The following CYFIP2 variants were observed in gnomAD, a reference collection of about 807,000 sequenced individuals.
CYFIP2 encodes cytoplasmic FMR1 interacting protein 2.
Under a neutral mutation model 158.7 loss-of-function variants are expected in CYFIP2, and 29 were observed. The observed-to-expected ratio is 0.18, with a 90% CI of 0.14 to 0.25. The LOEUF (loss-of-function observed/expected upper bound fraction) is 0.25. CYFIP2 is among the 10% of genes least tolerant of loss of function. CYFIP2 has a pLI of 1.00. For missense variants in CYFIP2, 852 were observed against 1,639.5 expected (o/e 0.52, Z 8.29); for synonymous variants, 585 against 617.6 (o/e 0.95, Z 0.78).
At chr5:157,364,439 C>G (rs1464394324) in intron 26 of CYFIP2, 3 of 152,210 alleles carry the variant, frequency 2.0e-5, no homozygotes, top group Admixed American at 2.0e-4. Flanking sequence ...GAGCTGAGAC[C>G]TGAGACAGAC....
intron 15 of CYFIP2, among the ~76,000 whole-genome samples, chr5:157,322,758 G>A (rs560342912): frequency 3.3e-5 from 5 of 152,392 alleles, no homozygotes; most frequent in South Asian, 2.1e-4. Flanking sequence ...CAGAGGCAGC[G>A]AAGACGAACG....
intron 7 of CYFIP2, 56 bp from the exon 8 acceptor site, chr5:157,304,182 A>AG: frequency 6.4e-7 from 1 of 1,567,136 alleles, no homozygotes; most frequent in Non-Finnish European, 8.7e-7. Context: ...GCAGGGGTGC[A>AG]GGTGAGGGCA....
rs539485316 is a variant in CYFIP2, at chr5:157,304,449, A to C, written c.795+83A>C. 9.0e-5 allele frequency: 133 copies of C among 1,481,842 alleles called. No homozygotes were observed. In the African/African-American group the frequency reaches 1.8e-3, roughly 20 times the overall value. The allele number at this position is 1,481,842 out of a possible 1,614,324, so 91.8% of individuals were successfully genotyped here. ...TTATTAAAAATCCGTTTTAAAAAAC[A>C]ATGTTTCTTTTTTCTTAAACATTGA... is the stretch of plus-strand genomic sequence containing the variant. On this transcript the variant is annotated intron_variant, in intron 8 of 30. Coordinates refer to ENST00000620254, the MANE Select transcript of CYFIP2 (RefSeq NM_001037333.3).
Position 157,311,860 on chromosome 5 carries a change from G to A in CYFIP2, c.1110+79G>A. ...TAAGGAGCAGCCAGGAAAGAACATG[G>A]ACCCACGGAACACTGGAGAGTAGAA... On this transcript the variant is annotated intron_variant, in intron 11 of 30. Coordinates refer to ENST00000620254, the MANE Select transcript of CYFIP2 (RefSeq NM_001037333.3). The surrounding 1 kb of genome is among the most constrained non-coding windows in gnomAD (Gnocchi z 4.7). The A allele has an allele frequency of 1.5e-6, 2 of 1,325,416 alleles. No homozygotes were observed. Among genetic ancestry groups the A allele is most frequent in the Non-Finnish European group, 1.1e-6 (1 of 947,004 alleles). 82.1% of individuals were successfully genotyped at this position (1,325,416 alleles called of 1,614,324 possible).
At chr5:157,359,520 T>C (rs759940378) in intron 24 of CYFIP2, among the ~76,000 whole-genome samples, 2 of 152,174 alleles carry the variant, frequency 1.3e-5, no homozygotes, top group Non-Finnish European at 2.9e-5. Context: ...TGTGCTGCCA[T>C]TTTCCACGCC....
chr5:157,337,455 A>C (rs1317344870), intron 21 of CYFIP2, among the ~76,000 whole-genome samples: 2 of 152,120 alleles, frequency 1.3e-5, no homozygotes, highest in Admixed American at 6.5e-5. Context: ...CACTCCCCAA[A>C]CTTTCTCTTC....
chr5:157,361,550 G>A lies in CYFIP2; in HGVS notation c.2991G>A (p.Arg997=). Residue 997 remains arginine (R), a synonymous_variant, in exon 26 of 31, where the codon AGG becomes AGA. Coordinates refer to ENST00000620254, the MANE Select transcript of CYFIP2 (RefSeq NM_001037333.3). The surrounding 1 kb of genome is among the most constrained non-coding windows in gnomAD (Gnocchi z 4.4). ...AAACAGACGTGTTCCAGAGCCTGAG[G>A]GAAGTGGGCAATGCCATCCTCTTCT... The part of the protein sequence containing the change: ...ELKTDVFQSL[R]EVGNAILFCL... The A allele has an allele frequency of 1.2e-6, 2 of 1,614,058 alleles. No homozygotes were observed. Among genetic ancestry groups the A allele is most frequent in the South Asian group, 2.2e-5 (2 of 91,066 alleles).
rs369323669 is a variant in CYFIP2 at position 157,315,031 on chromosome 5, G to A, written c.1293G>A (p.Ala431=). ...KFCNKDCPGT[A]EEYERATRYN... is the part of the protein sequence containing the mutation. Reference sequence around the variant, plus strand: ...GCAACAAGGACTGTCCTGGCACCGCGGAGGAATATGAGAGAGCCACACGCT... The same window carrying A: ...GCAACAAGGACTGTCCTGGCACCGCAGAGGAATATGAGAGAGCCACACGCT... The change falls in exon 13 of 31, where the codon GCG becomes GCA. Residue 431 remains alanine (A), a synonymous_variant. Coordinates refer to ENST00000620254, the MANE Select transcript of CYFIP2 (RefSeq NM_001037333.3). 7.8e-5 allele frequency: 125 copies of A among 1,610,952 alleles called. No homozygotes were observed. In the African/African-American group the frequency reaches 8.4e-4, roughly 11 times the overall value.
At position 157,320,873 on chromosome 5, in the gene CYFIP2, C is replaced by T; in HGVS notation, c.1671+71C>T. 4.1e-6 allele frequency: 6 copies of T among 1,449,916 alleles called. No individual in the cohort carries two copies. The African/African-American group carries it at 8.7e-5, about 21-fold the overall frequency. 89.8% of individuals were successfully genotyped at this position (1,449,916 alleles called of 1,614,324 possible). ...GCCGGGCTATGGTAGATCATCATGG[C>T]TGGCCATGGGCAGTGGGACTGGGAG... On this transcript the variant is annotated intron_variant, in intron 15 of 30. Transcript: ENST00000620254.
At position 157,311,145 on chromosome 5, in the gene CYFIP2, G is replaced by T. The variant is rs1759684836; in HGVS notation, c.993-519G>T. 5 of 453,162 alleles carry T rather than the reference G, an allele frequency of 1.1e-5. No homozygotes were observed. The highest frequency in any genetic ancestry group is 7.8e-5 in the South Asian group (5 of 64,392). The allele number at this position is 453,162 out of a possible 1,614,324, so 28.1% of individuals were successfully genotyped here. A position where few individuals can be genotyped will look rare whatever the true frequency, so the allele number is the denominator to read the frequency against. ...GGGGCCACCCCCACGTCTCAGAGTGGCCCTGGCTTCTCCCACCACAGTGTG... is the reference window on the plus strand; with the variant it reads ...GGGGCCACCCCCACGTCTCAGAGTGTCCCTGGCTTCTCCCACCACAGTGTG... On this transcript the variant is annotated intron_variant, in intron 10 of 30. Transcript: ENST00000620254. The surrounding 1 kb of genome is among the most constrained non-coding windows in gnomAD (Gnocchi z 4.7).
intron 26 of CYFIP2, chr5:157,375,715 G>C (rs1342581681): frequency 6.7e-6 from 1 of 149,664 alleles, no homozygotes; most frequent in Non-Finnish European, 1.5e-5. Flanking sequence ...TTTTCTTCCA[G>C]TATGGCCCAG....
chr5:157,376,841 C>A, intron 26 of CYFIP2: 1 of 454,958 alleles, frequency 2.2e-6, no homozygotes, highest in Non-Finnish European at 4.4e-6. Context: ...GCAGACTCTG[C>A]AGGGCCTAGG....
intron 23 of CYFIP2, chr5:157,342,751 G>A: frequency 9.2e-7 from 1 of 1,086,856 alleles, no homozygotes; most frequent in Non-Finnish European, 1.3e-6. Context: ...ACCTACAATA[G>A]CAGTGACGTT....
chr5:157,343,512 A>T lies in CYFIP2; in HGVS notation c.2673+2355A>T. ...CAGGAGATGATGGCTCCTGTATAAG[A>T]AATGTTCCCCACCTCGATGTTCATC... is the stretch of plus-strand genomic sequence containing the variant. On this transcript the variant is annotated intron_variant, in intron 23 of 30. Coordinates refer to ENST00000620254, the MANE Select transcript of CYFIP2 (RefSeq NM_001037333.3). 19 of 1,579,228 alleles carry T rather than the reference A, an allele frequency of 1.2e-5. No individual in the cohort carries two copies. In the Middle Eastern group the frequency reaches 2.9e-3, roughly 240 times the overall value.
chr5:157,361,652 A>G lies in CYFIP2; in HGVS notation c.3039+54A>G. ...TGTCTCCAGGTTGGAGGGGATGCCAACCCCAAGCAGATATTGAGGCTCCTG... is the reference window on the plus strand; with the variant it reads ...TGTCTCCAGGTTGGAGGGGATGCCAGCCCCAAGCAGATATTGAGGCTCCTG... On this transcript the variant is annotated intron_variant, in intron 26 of 30. Coordinates refer to ENST00000620254, the MANE Select transcript of CYFIP2 (RefSeq NM_001037333.3). This position sits in a 1 kb window ranked among gnomAD's most constrained non-coding sequence, Gnocchi z 4.4. 3 of 1,608,650 alleles carry G rather than the reference A, an allele frequency of 1.9e-6. No homozygotes were observed. The highest frequency in any genetic ancestry group is 2.5e-6 in the Non-Finnish European group (3 of 1,176,946).
chr5:157,320,486 C>A (rs1319432619), intron 14 of CYFIP2, among the ~76,000 whole-genome samples, 169 bp from the exon 15 acceptor site: 1 of 152,226 alleles, frequency 6.6e-6, no homozygotes, highest in Non-Finnish European at 1.5e-5. Flanking sequence ...TACCTTAAAT[C>A]TGTTAAACCA....
intron 8 of CYFIP2, among the ~76,000 whole-genome samples, chr5:157,306,407 G>A (rs1341172726): frequency 6.6e-6 from 1 of 152,076 alleles, no homozygotes; most frequent in African/African-American, 2.4e-5. Context: ...GTCTTAATGC[G>A]GCCTTCAAAT....
intron 5 of CYFIP2, among the ~76,000 whole-genome samples, 183 bp downstream of exon 5, chr5:157,296,957 C>G (rs1758300084): frequency 6.6e-6 from 1 of 152,208 alleles, no homozygotes; most frequent in African/African-American, 2.4e-5. Flanking sequence ...AATTTTCATC[C>G]TAGTGAGTAT....
chr5:157,373,182 CTAT>C (rs1184170526), intron 26 of CYFIP2, among the ~76,000 whole-genome samples: 1 of 152,198 alleles, frequency 6.6e-6, no homozygotes, highest in East Asian at 1.9e-4. Flanking sequence ...ACCAACTTAT[CTAT>C]TATTACCACT....
Sources: allele counts gnomAD v4.1 joint callset (sites outside exome capture counted in the v4.1 genomes callset), GRCh38; gene constraint gnomAD v4.1.1; non-coding constraint Gnocchi (gnomAD v3.1); transcripts MANE v1.5; gene names NCBI Gene and HGNC (gene_info 2026-07-23, HGNC 2026-07-21).